The following CSMD1 variants were observed in gnomAD, a reference collection of about 807,000 sequenced individuals.
CSMD1 encodes CUB and Sushi multiple domains 1.
In CSMD1, 213 loss-of-function variants were observed where a neutral mutation model predicts 417.5. The ratio of observed to expected loss-of-function variants is 0.51; its 90% CI spans 0.46 to 0.57. CSMD1 has a LOEUF of 0.57. Ranked by LOEUF, CSMD1 falls within the 20% of genes least tolerant of loss-of-function variation. The pLI, the probability that CSMD1 is intolerant of heterozygous loss-of-function variation, is 0.00. For synonymous variants in CSMD1, 2,862 were observed against 1,736.8 expected, an observed-to-expected ratio of 1.65 and a Z score of -16.11; for missense variants, 6,923 against 4,529.7, an observed-to-expected ratio of 1.53 and a Z score of -15.17.
intron 2 of CSMD1, among the ~76,000 whole-genome samples, chr8:4,533,353 G>C (rs115496559): frequency 6.6e-6 from 1 of 152,144 alleles, no homozygotes; most frequent in African/African-American, 2.4e-5. Context: ...AATTCATTTG[G>C]AAAGGCTTCT....
intron 10 of CSMD1, among the ~76,000 whole-genome samples, chr8:3,499,665 C>T (rs927385910): frequency 1.6e-4 from 25 of 152,056 alleles, no homozygotes; most frequent in Admixed American, 6.5e-4. Flanking sequence ...AGTGGCCTCC[C>T]GACTCTGCTT....
chr8:4,479,749 C>T (rs1269566607), intron 2 of CSMD1, among the ~76,000 whole-genome samples: 1 of 151,832 alleles, frequency 6.6e-6, no homozygotes, highest in Non-Finnish European at 1.5e-5. Context: ...CAAAAATTAG[C>T]TTCCTTAGAA....
At chr8:4,357,643 G>A (rs1801505829) in intron 3 of CSMD1, among the ~76,000 whole-genome samples, 1 of 151,944 alleles carries the variant, frequency 6.6e-6, no homozygotes, top group Non-Finnish European at 1.5e-5. Context: ...AATATCTACA[G>A]GTTTCCTATA....
intron 1 of CSMD1, among the ~76,000 whole-genome samples, chr8:4,719,688 T>G (rs936503763): frequency 4.6e-5 from 7 of 152,178 alleles, no homozygotes; most frequent in Non-Finnish European, 8.8e-5. Context: ...TGAAAGTAAT[T>G]TGATTTATGT....
chr8:3,595,142 G>T (rs371687246), intron 8 of CSMD1, among the ~76,000 whole-genome samples: 138 of 152,224 alleles, frequency 9.1e-4, no homozygotes, highest in Middle Eastern at 3.4e-3. Flanking sequence ...TGGGAACTTG[G>T]ACAATTCACC....
At chr8:4,015,627 C>T (rs1454992886) in intron 4 of CSMD1, among the ~76,000 whole-genome samples, 1 of 102,506 alleles carries the variant, frequency 9.8e-6, no homozygotes, top group African/African-American at 3.9e-5. Context: ...AGAAATACAA[C>T]AGTCTCAAAA....
At chr8:4,913,237 A>G (rs1232759606) in intron 1 of CSMD1, among the ~76,000 whole-genome samples, 1 of 152,204 alleles carries the variant, frequency 6.6e-6, no homozygotes, top group Non-Finnish European at 1.5e-5. Context: ...AAACTCCGTC[A>G]CGCAACACAA....
chr8:3,035,423 A>G (rs1455697527), intron 50 of CSMD1, among the ~76,000 whole-genome samples: 3 of 152,172 alleles, frequency 2.0e-5, no homozygotes. Context: ...GGCTCACCCC[A>G]ACCAAGCCAG....
chr8:4,955,123 CTT>C (rs1391981492), intron 1 of CSMD1, among the ~76,000 whole-genome samples: 2 of 152,108 alleles, frequency 1.3e-5, no homozygotes, highest in Non-Finnish European at 2.9e-5. Flanking sequence ...AAATGGGACT[CTT>C]TGGCTGCACC....
In CSMD1 at chr8:4,765,277, T is replaced by C. The variant is rs953713276; in HGVS notation, c.86-127719A>G. Reference sequence around the variant, plus strand: ...TTCCATATGTGCCACACAAAGAGTTTAGCTATTAAACAGCTCTAACTCAGG... The same window carrying C: ...TTCCATATGTGCCACACAAAGAGTTCAGCTATTAAACAGCTCTAACTCAGG... On this transcript the variant is annotated intron_variant, in intron 1 of 69. Coordinates refer to ENST00000635120, the MANE Select transcript of CSMD1 (RefSeq NM_033225.6). Among the ~76,000 whole-genome samples, 11 of 152,344 alleles carry C rather than the reference T, an allele frequency of 7.2e-5. No homozygotes were observed. The East Asian group carries it at 2.1e-3, about 29-fold the overall frequency.
intron 37 of CSMD1, among the ~76,000 whole-genome samples, chr8:3,176,114 G>A (rs1011163710): frequency 3.9e-5 from 6 of 152,136 alleles, no homozygotes; most frequent in Middle Eastern, 3.2e-3. Context: ...ACAGAAATAC[G>A]TATAAGCTGA....
chr8:3,845,649 CA>C (rs891512438), intron 5 of CSMD1, among the ~76,000 whole-genome samples: 1 of 152,074 alleles, frequency 6.6e-6, no homozygotes, highest in Non-Finnish European at 1.5e-5. Context: ...TTCATTTAAA[CA>C]TTTTTTTGTC....
chr8:3,408,275 A>T (rs1196794986), intron 13 of CSMD1, 50 bp from the exon 14 acceptor site: 2 of 1,417,628 alleles, frequency 1.4e-6, no homozygotes, highest in Non-Finnish European at 1.9e-6. Flanking sequence ...TATCCAAAGA[A>T]TTGCCATGTG....
intron 3 of CSMD1, among the ~76,000 whole-genome samples, chr8:4,277,325 T>C (rs991990643): frequency 6.6e-6 from 1 of 152,094 alleles, no homozygotes. Flanking sequence ...CGGGACTGAC[T>C]TCCCTTGGAT....
intron 6 of CSMD1, among the ~76,000 whole-genome samples, chr8:3,744,537 T>C (rs1175820520): frequency 6.6e-6 from 1 of 152,230 alleles, no homozygotes; most frequent in Non-Finnish European, 1.5e-5. Context: ...AAGATTCGTT[T>C]CTTTATTTTC....
chr8:3,066,917 G>A (rs553552027), intron 49 of CSMD1, among the ~76,000 whole-genome samples: 1 of 152,192 alleles, frequency 6.6e-6, no homozygotes, highest in South Asian at 2.1e-4. Context: ...ATCAGGCTAA[G>A]TAGGAGCTTC....
chr8:3,420,425 A>G (rs988097571), intron 12 of CSMD1, among the ~76,000 whole-genome samples: 5 of 145,288 alleles, frequency 3.4e-5, no homozygotes, highest in African/African-American at 1.3e-4. Flanking sequence ...GACACTAGGA[A>G]AAAAAAAAAA....
chr8:4,356,447 T>C (rs7004905), intron 3 of CSMD1, among the ~76,000 whole-genome samples: 1 of 152,214 alleles, frequency 6.6e-6, no homozygotes, highest in Non-Finnish European at 1.5e-5. Flanking sequence ...TGTACAAGTA[T>C]CCTTTTCGTG....
intron 3 of CSMD1, among the ~76,000 whole-genome samples, chr8:4,069,223 A>G (rs534012078): frequency 5.3e-5 from 8 of 152,328 alleles, no homozygotes; most frequent in African/African-American, 1.4e-4. Flanking sequence ...TAAAATTGTC[A>G]TACAGATGAG....
Sources: allele counts gnomAD v4.1 joint callset (sites outside exome capture counted in the v4.1 genomes callset), GRCh38; gene constraint gnomAD v4.1.1; transcripts MANE v1.5; gene names NCBI Gene and HGNC (gene_info 2026-07-23, HGNC 2026-07-21).